The following PDE2A variants were observed in gnomAD, a reference collection of about 807,000 sequenced individuals.
The protein encoded by PDE2A is cGMP-dependent 3',5'-cyclic phosphodiesterase.
A neutral mutation model predicts 133.6 loss-of-function variants in PDE2A; 53 were observed. That is an observed-to-expected ratio of 0.40 (90% confidence interval 0.32 to 0.50). The LOEUF is 0.50. PDE2A is among the 20% of genes least tolerant of loss of function. The pLI is 0.73. For missense variants in PDE2A, 796 were observed against 1,232.4 expected (o/e 0.65, Z 5.30); for synonymous variants, 491 against 490.2 (o/e 1.00, Z -0.02).
chr11:72,669,094 T>A (rs138106974), intron 1 of PDE2A: 2 of 389,914 alleles, frequency 5.1e-6, no homozygotes, highest in African/African-American at 4.3e-5. Context: ...AGGATAATTA[T>A]CTCCACCCCA....
chr11:72,621,858 A>G (rs1405424312), intron 2 of PDE2A: 1 of 152,252 alleles, frequency 6.6e-6, no homozygotes, highest in Non-Finnish European at 1.5e-5. Flanking sequence ...CCTTTGGTGA[A>G]ATGACATCAT....
chr11:72,657,344 G>A (rs1854927442), intron 1 of PDE2A, among the ~76,000 whole-genome samples: 1 of 152,184 alleles, frequency 6.6e-6, no homozygotes, highest in African/African-American at 2.4e-5. Context: ...AGGGGAAAGA[G>A]GAGGGATGGA....
chr11:72,594,581 C>T (rs971740109), intron 6 of PDE2A, among the ~76,000 whole-genome samples: 5 of 152,086 alleles, frequency 3.3e-5, no homozygotes, highest in Admixed American at 1.3e-4. Flanking sequence ...GGTGAAGGGA[C>T]GGTTGTTGAA....
At position 72,642,344 on chromosome 11, in the gene PDE2A, A is replaced by G; in HGVS notation, c.72-18T>C. The G allele has an allele frequency of 6.5e-7, 1 of 1,531,426 alleles. No individual in the cohort carries two copies. The highest frequency in any genetic ancestry group is 8.8e-7 in the Non-Finnish European group (1 of 1,141,458). The allele number at this position is 1,531,426 out of a possible 1,614,324, so 94.9% of individuals were successfully genotyped here. On this transcript the variant is annotated intron_variant, in intron 1 of 30. Coordinates refer to ENST00000334456, the MANE Select transcript of PDE2A (RefSeq NM_002599.5). The stretch of plus-strand genomic sequence containing the variant: ...GGCCCCGCCTGAGGAATTGGACAAC[A>G]GCGATGAGGATGTGGTGCAGCACCA...
At chr11:72,603,723 A>C (rs1373066167) in intron 4 of PDE2A, among the ~76,000 whole-genome samples, 1 of 152,224 alleles carries the variant, frequency 6.6e-6, no homozygotes, top group Non-Finnish European at 1.5e-5. Context: ...TACAGACGGG[A>C]CACAAAGGCT....
At chr11:72,664,205 G>A (rs1341601080) in intron 1 of PDE2A, among the ~76,000 whole-genome samples, 1 of 151,980 alleles carries the variant, frequency 6.6e-6, no homozygotes, top group African/African-American at 2.4e-5. Context: ...CAACGCCCCT[G>A]GCCCCTTGGA....
At chr11:72,661,304 C>CAATA (rs1412572283) in intron 1 of PDE2A, among the ~76,000 whole-genome samples, 1 of 152,018 alleles carries the variant, frequency 6.6e-6, no homozygotes, top group African/African-American at 2.4e-5. Flanking sequence ...GACTCTGTCT[C>CAATA]AATAAATAAA....
chr11:72,582,260 T>C, intron 21 of PDE2A, 184 bp downstream of exon 21: 2 of 654,244 alleles, frequency 3.1e-6, no homozygotes, highest in Non-Finnish European at 5.2e-6. Context: ...CAGTCCAGCC[T>C]CTAGCCCCTG....
intron 1 of PDE2A, among the ~76,000 whole-genome samples, chr11:72,664,363 G>GCTTTTTT (rs1565198393): frequency 1.1e-5 from 1 of 92,336 alleles, no homozygotes; most frequent in African/African-American, 4.3e-5. Flanking sequence ...CCCCTTGAAG[G>GCTTTTTT]ATTTTTTTTT....
intron 1 of PDE2A, among the ~76,000 whole-genome samples, chr11:72,664,727 C>T (rs1185532166): frequency 6.6e-6 from 1 of 151,796 alleles, no homozygotes; most frequent in Admixed American, 6.6e-5. Context: ...CTTAAATAAT[C>T]ATTTTTAAAA....
intron 1 of PDE2A, among the ~76,000 whole-genome samples, chr11:72,652,207 C>G (rs1854759994): frequency 6.6e-6 from 1 of 152,252 alleles, no homozygotes; most frequent in Admixed American, 6.5e-5. Flanking sequence ...TCAAGCCCAT[C>G]CCTTTGCACC....
chr11:72,669,100 C>T lies in PDE2A; in HGVS notation c.71+5037G>A, dbSNP rs74664931. On this transcript the variant is annotated intron_variant, in intron 1 of 30. Transcript: ENST00000334456. ...TGCCAAGAAAGGATAATTATCTCCA[C>T]CCCACTATTCACACAAGGTTCAGAG... The T allele has an allele frequency of 4.4e-3, 1,490 of 342,056 alleles. 30 individuals carry two copies. The highest frequency in any genetic ancestry group is 0.031 in the African/African-American group (1,421 of 45,138). 21.2% of individuals were successfully genotyped at this position (342,056 alleles called of 1,614,324 possible). A position where few individuals can be genotyped will look rare whatever the true frequency, so the allele number is the denominator to read the frequency against.
At chr11:72,607,431 C>A (rs90409) in intron 3 of PDE2A, among the ~76,000 whole-genome samples, 1 of 151,874 alleles carries the variant, frequency 6.6e-6, no homozygotes, top group Non-Finnish European at 1.5e-5. Context: ...TTCACCCCAG[C>A]CCAGATGTTG....
At chr11:72,606,763 GA>G (rs1357056851) in intron 3 of PDE2A, among the ~76,000 whole-genome samples, 1 of 152,200 alleles carries the variant, frequency 6.6e-6, no homozygotes, top group East Asian at 1.9e-4. Context: ...GGGTTACACA[GA>G]AAGTCCTGCC....
chr11:72,628,889 T>C (rs564349188), intron 2 of PDE2A, among the ~76,000 whole-genome samples: 52 of 152,296 alleles, frequency 3.4e-4, no homozygotes, highest in African/African-American at 1.2e-3. Context: ...CCCCACTCTC[T>C]CCAGTCTTGC....
At chr11:72,596,474 T>TCACACACA (rs1171582119) in intron 6 of PDE2A, 119 bp downstream of exon 6, 4 of 248,640 alleles carry the variant, frequency 1.6e-5, no homozygotes, top group African/African-American at 7.1e-5. Context: ...TCTCTCTCTC[T>TCACACACA]CTCTCTCTCT....
intron 1 of PDE2A, among the ~76,000 whole-genome samples, chr11:72,647,468 G>A (rs866975728): frequency 1.3e-5 from 2 of 152,340 alleles, no homozygotes; most frequent in Middle Eastern, 3.4e-3. Context: ...CCTCTCCTGA[G>A]CAGATGGTCC....
At chr11:72,652,676 C>T in intron 1 of PDE2A, 1 of 456,268 alleles carries the variant, frequency 2.2e-6, no homozygotes, top group South Asian at 1.5e-5. Flanking sequence ...CCCAATTTTA[C>T]AGTTGATGAA....
chr11:72,592,603 A>G (rs1252394568), intron 6 of PDE2A, among the ~76,000 whole-genome samples: 1 of 152,180 alleles, frequency 6.6e-6, no homozygotes, highest in Non-Finnish European at 1.5e-5. Flanking sequence ...CACTGGCGGT[A>G]GGTGGTGCGG....
Sources: allele counts gnomAD v4.1 joint callset (sites outside exome capture counted in the v4.1 genomes callset), GRCh38; gene constraint gnomAD v4.1.1; transcripts MANE v1.5; gene names NCBI Gene and HGNC (gene_info 2026-07-23, HGNC 2026-07-21).